The following ARID2 variants were observed in gnomAD, a reference collection of about 807,000 sequenced individuals.
The protein encoded by ARID2 is AT-rich interactive domain-containing protein 2.
In ARID2, 32 loss-of-function variants were observed where a neutral mutation model predicts 184.6. The observed-to-expected ratio is 0.17, with a 90% confidence interval of 0.13 to 0.23. ARID2 has a LOEUF of 0.23. ARID2 is among the 10% of genes least tolerant of loss of function. The pLI, the probability that ARID2 is intolerant of heterozygous loss-of-function variation, is 1.00. For synonymous variants in ARID2, 836 were observed against 772.6 expected (o/e 1.08, Z -1.36); for missense variants, 1,696 against 2,197.6 (o/e 0.77, Z 4.56).
In ARID2 at chr12:45,907,846, A is replaced by G. The variant is rs1195635459; in HGVS notation, c.*2768A>G. On this transcript the variant is annotated 3_prime_UTR_variant, in exon 21 of 21. Transcript: ENST00000334344. ...CTAGTGCTCTGTTGGCACTCAATAA[A>G]TTTTAAGTAACAAAATTGATAATCA... 2 of 231,972 alleles carry G rather than the reference A, an allele frequency of 8.6e-6. No homozygotes were observed. The highest frequency in any genetic ancestry group is 1.7e-5 in the Non-Finnish European group (2 of 117,080). The allele number at this position is 231,972 out of a possible 1,614,324, so 14.4% of individuals were successfully genotyped here.
At chr12:45,820,888 T>C (rs1404287295) in intron 5 of ARID2, among the ~76,000 whole-genome samples, 3 of 152,198 alleles carry the variant, frequency 2.0e-5, no homozygotes, top group African/African-American at 7.2e-5. Context: ...AGTCATAAAG[T>C]TGTTGATAAA....
intron 10 of ARID2, 142 bp downstream of exon 10, chr12:45,837,849 T>C: frequency 1.6e-6 from 1 of 608,670 alleles, no homozygotes; most frequent in Non-Finnish European, 2.7e-6. Flanking sequence ...CTTGTTTCCA[T>C]TATTCTTTAT....
At chr12:45,807,576 G>A (rs1478822462) in intron 3 of ARID2, among the ~76,000 whole-genome samples, 1 of 152,016 alleles carries the variant, frequency 6.6e-6, no homozygotes, top group East Asian at 1.9e-4. Flanking sequence ...TTATAGTTTT[G>A]CCTATGGGTT....
At position 45,905,185 on chromosome 12, in the gene ARID2, T is replaced by G. The variant is rs942856570; in HGVS notation, c.*107T>G. ...ATGGAACAAAGACCATAGAATGAAT[T>G]ATTTTATCTCCTCCCATGATGCTGA... is the stretch of plus-strand genomic sequence containing the variant. On this transcript the variant is annotated 3_prime_UTR_variant, in exon 21 of 21. Coordinates refer to ENST00000334344, the MANE Select transcript of ARID2 (RefSeq NM_152641.4). The G allele has an allele frequency of 7.5e-5, 84 of 1,123,164 alleles. No individual in the cohort carries two copies. The highest frequency in any genetic ancestry group is 9.7e-5 in the Non-Finnish European group (80 of 820,572). 69.6% of individuals were successfully genotyped at this position (1,123,164 alleles called of 1,614,324 possible).
At chr12:45,777,959 AC>A (rs1488230144) in intron 3 of ARID2, among the ~76,000 whole-genome samples, 1 of 152,048 alleles carries the variant, frequency 6.6e-6, no homozygotes, top group Non-Finnish European at 1.5e-5. Flanking sequence ...TAATCCCAGC[AC>A]TTTGGGAGGC....
rs2138130153 is a variant in ARID2 at position 45,837,330 on chromosome 12, G to T, written c.1033G>T (p.Asp345Tyr). The change falls in exon 9 of 21, where the codon GAC becomes TAC. Residue 345 changes from aspartate to tyrosine, a missense_variant. Coordinates refer to ENST00000334344, the MANE Select transcript of ARID2 (RefSeq NM_152641.4). ...LGNIAAELLL[D>Y]PVDFKTTHLM... is the part of the protein sequence containing the mutation. The stretch of plus-strand genomic sequence containing the variant: ...TTGTTTCTTTTTCCAGCTTTTACTG[G>T]ACCCTGTTGATTTCAAAACTACTCA... 1.2e-6 allele frequency: 2 copies of T among 1,606,522 alleles called. No homozygotes were observed. Among genetic ancestry groups the T allele is most frequent in the South Asian group, 1.1e-5 (1 of 88,808 alleles).
At chr12:45,767,183 T>C (rs1002688214) in intron 3 of ARID2, among the ~76,000 whole-genome samples, 7 of 152,218 alleles carry the variant, frequency 4.6e-5, no homozygotes, top group African/African-American at 1.7e-4. Context: ...GCATTTTTTA[T>C]ATATTCTTTG....
chr12:45,808,710 C>G (rs932490159), intron 3 of ARID2, among the ~76,000 whole-genome samples: 1 of 151,220 alleles, frequency 6.6e-6, no homozygotes. Flanking sequence ...CTCTCCCGGC[C>G]GTTATTAAAA....
At chr12:45,818,908 A>G (rs528084766) in intron 5 of ARID2, among the ~76,000 whole-genome samples, 2 of 152,248 alleles carry the variant, frequency 1.3e-5, no homozygotes, top group South Asian at 2.1e-4. Flanking sequence ...TCTTGATTAC[A>G]TGGATGGGGA....
In ARID2 at chr12:45,851,439, G is replaced by A. The variant is rs2138171017; in HGVS notation, c.3316G>A (p.Ala1106Thr). The change falls in exon 15 of 21, where the codon GCC becomes ACC. Residue 1106 changes from alanine to threonine, a missense_variant. Physicochemically the swap from Ala to Thr is moderately conservative, Grantham distance 58. Around this residue, in one of 11 missense-constraint regions of ARID2, gnomAD observed 713 missense variants for 824.4 expected, o/e 0.86. Transcript: ENST00000334344. The part of the protein sequence containing the change: ...QVVYQVASNQ[A>T]AGFGVQGQTP... ...GGTCTATCAGGTGGCCAGTAACCAA[G>A]CCGCAGGTTTTGGAGTGCAGGGGCA... 1 of 1,614,158 alleles carries A rather than the reference G, an allele frequency of 6.2e-7. No individual in the cohort carries two copies. The highest frequency in any genetic ancestry group is 8.5e-7 in the Non-Finnish European group (1 of 1,180,002).
intron 3 of ARID2, among the ~76,000 whole-genome samples, chr12:45,803,954 T>C (rs916757201): frequency 1.3e-5 from 2 of 152,214 alleles, no homozygotes; most frequent in African/African-American, 2.4e-5. Context: ...TCCTCTCTTA[T>C]GCATTCCACT....
chr12:45,741,333 G>A (rs1156810710), intron 3 of ARID2, among the ~76,000 whole-genome samples: 1 of 152,092 alleles, frequency 6.6e-6, no homozygotes, highest in Admixed American at 6.5e-5. Flanking sequence ...AAGTACCTGG[G>A]ACTACAGGCG....
intron 4 of ARID2, among the ~76,000 whole-genome samples, chr12:45,813,661 A>G (rs942904222): frequency 1.6e-4 from 24 of 152,122 alleles, no homozygotes; most frequent in Non-Finnish European, 3.4e-4. Flanking sequence ...AAATATTTTG[A>G]ATGGTAGTAT....
At chr12:45,806,100 A>G (rs1449286847) in intron 3 of ARID2, among the ~76,000 whole-genome samples, 1 of 152,180 alleles carries the variant, frequency 6.6e-6, no homozygotes, top group African/African-American at 2.4e-5. Context: ...ATAATTGGGT[A>G]GGAAACTCCT....
chr12:45,763,639 C>CA (rs940277320), intron 3 of ARID2, among the ~76,000 whole-genome samples: 171 of 138,796 alleles, frequency 1.2e-3, no homozygotes, highest in Middle Eastern at 3.6e-3. Context: ...GCTGGGACTA[C>CA]AAAAAAAAAA....
At chr12:45,899,567 C>T (rs995227717) in intron 20 of ARID2, among the ~76,000 whole-genome samples, 1 of 149,726 alleles carries the variant, frequency 6.7e-6, no homozygotes, top group African/African-American at 2.4e-5. Context: ...GATCCCACCA[C>T]TGCACTCCAG....
At chr12:45,802,221 C>T (rs1942518002) in intron 3 of ARID2, among the ~76,000 whole-genome samples, 1 of 152,030 alleles carries the variant, frequency 6.6e-6, no homozygotes, top group Admixed American at 6.6e-5. Flanking sequence ...CGTGCACCAC[C>T]ACTCTTGGCT....
At chr12:45,741,716 GT>G (rs1941261943) in intron 3 of ARID2, among the ~76,000 whole-genome samples, 1 of 151,980 alleles carries the variant, frequency 6.6e-6, no homozygotes, top group Non-Finnish European at 1.5e-5. Flanking sequence ...ATCTTCCAGG[GT>G]CTACTTGTAT....
chr12:45,899,400 C>G (rs1944416672), intron 20 of ARID2, among the ~76,000 whole-genome samples: 3 of 147,094 alleles, frequency 2.0e-5, no homozygotes, highest in Non-Finnish European at 4.5e-5. Context: ...GTCAGGAGAT[C>G]AAGACCATCC....
Sources: allele counts gnomAD v4.1 joint callset (sites outside exome capture counted in the v4.1 genomes callset), GRCh38; gene constraint gnomAD v4.1.1; regional missense constraint gnomAD v4.1.1; transcripts MANE v1.5; gene names NCBI Gene and HGNC (gene_info 2026-07-23, HGNC 2026-07-21).